Variants in PLEKHA8 observed in about 807,000 individuals in gnomAD.
PLEKHA8 encodes the protein pleckstrin homology domain-containing family A member 8.
Under a neutral mutation model 68.2 loss-of-function variants are expected in PLEKHA8, and 36 were observed. That is an observed-to-expected ratio of 0.53 (90% CI 0.40 to 0.70). The LOEUF (loss-of-function observed/expected upper bound fraction) is 0.70, where lower values mean the gene tolerates loss of function less well. Among genes scored for constraint, PLEKHA8 ranks in the 30% least tolerant of loss-of-function variants. The pLI is 0.00. For synonymous variants in PLEKHA8, 211 were observed against 216.1 expected (o/e 0.98, Z 0.20); for missense variants, 505 against 615.4 (o/e 0.82, Z 1.90).
Position 30,078,640 on chromosome 7 carries a change from C to T in PLEKHA8, c.1413C>T (p.Thr471=), listed in dbSNP as rs772142070. ...PSYEDFVAAL[T]VKEGDHQKEA... ...ATGAAGATTTTGTGGCCGCGTTAAC[C>T]GTAAAGGAAGGTGACCACCAGAAAG... is the stretch of plus-strand genomic sequence containing the variant. Residue 471 remains threonine (T), a synonymous_variant, in exon 14 of 14, where the codon ACC becomes ACT. Transcript: ENST00000449726. The T allele has an allele frequency of 1.4e-5, 23 of 1,613,804 alleles. No individual in the cohort carries two copies. The highest frequency in any genetic ancestry group is 1.7e-4 in the Middle Eastern group (1 of 6,060).
intron 13 of PLEKHA8, 53 bp from the exon 14 acceptor site, chr7:30,078,537 A>G: frequency 6.3e-7 from 1 of 1,583,714 alleles, no homozygotes; most frequent in Non-Finnish European, 8.7e-7. Context: ...GCATAAAAAT[A>G]AGAGTGTGAG....
chr7:30,090,108 A>G lies in PLEKHA8; in HGVS notation c.1301-45A>G. The G allele has an allele frequency of 2.0e-6, 3 of 1,517,150 alleles. No individual in the cohort carries two copies. The South Asian group carries it at 3.9e-5, about 20-fold the overall frequency. 94.0% of individuals were successfully genotyped at this position (1,517,150 alleles called of 1,614,324 possible). The stretch of plus-strand genomic sequence containing the variant: ...TAAAATACAGAAGATTTTTCCTGAA[A>G]TGAAGGAAGGAATCTTTAGATTAAA... On this transcript the variant is annotated intron_variant, in intron 12 of 12. Coordinates refer to the PLEKHA8 transcript ENST00000258679.
In PLEKHA8 at chr7:30,079,546, T is replaced by C. The variant is rs927314960; in HGVS notation, c.*759T>C. On this transcript the variant is annotated 3_prime_UTR_variant, in exon 14 of 14. Transcript: ENST00000449726. ...GCATGTTCCCCATGCATTATCTCAA[T>C]TGGACATCACAAGTAATGATACCCA... The C allele has an allele frequency of 1.1e-6, 1 of 933,268 alleles. No individual in the cohort carries two copies. The highest frequency in any genetic ancestry group is 1.3e-6 in the Non-Finnish European group (1 of 782,490). 57.8% of individuals were successfully genotyped at this position (933,268 alleles called of 1,614,324 possible).
chr7:30,076,453 A>G (rs1794615158), intron 13 of PLEKHA8, among the ~76,000 whole-genome samples: 1 of 152,216 alleles, frequency 6.6e-6, no homozygotes, highest in African/African-American at 2.4e-5. Flanking sequence ...AATACTAAGA[A>G]CTACAACCAC....
At chr7:30,112,295 T>C (rs533929610) in intron 13 of PLEKHA8, among the ~76,000 whole-genome samples, 14 of 152,052 alleles carry the variant, frequency 9.2e-5, no homozygotes, top group African/African-American at 3.4e-4. Context: ...AAGACGATTT[T>C]CACGACTCAG....
chr7:30,034,346 T>G (rs1790898616), intron 1 of PLEKHA8, among the ~76,000 whole-genome samples: 1 of 152,036 alleles, frequency 6.6e-6, no homozygotes. Context: ...CCTTGTTAGA[T>G]AGATGATTTG....
At chr7:30,030,601 T>C (rs1047779299) in intron 1 of PLEKHA8, among the ~76,000 whole-genome samples, 3 of 152,244 alleles carry the variant, frequency 2.0e-5, no homozygotes, top group African/African-American at 7.2e-5. Flanking sequence ...CAGAGACAGC[T>C]GTCTCTACGT....
chr7:30,112,926 A>G (rs990752778), intron 13 of PLEKHA8, among the ~76,000 whole-genome samples: 1 of 152,064 alleles, frequency 6.6e-6, no homozygotes, highest in Non-Finnish European at 1.5e-5. Context: ...ATTAACATAT[A>G]TGCTTGACTT....
intron 13 of PLEKHA8, among the ~76,000 whole-genome samples, chr7:30,096,487 T>G (rs1795624324): frequency 6.6e-6 from 1 of 152,164 alleles, no homozygotes; most frequent in Non-Finnish European, 1.5e-5. Context: ...CAATTTGACT[T>G]CCTCTTTTCC....
At chr7:30,124,591 C>T (rs1027390846) in intron 13 of PLEKHA8, among the ~76,000 whole-genome samples, 8 of 151,922 alleles carry the variant, frequency 5.3e-5, no homozygotes, top group South Asian at 4.2e-4. Context: ...ATGCTTTCAC[C>T]GACAATGTAA....
Position 30,079,898 on chromosome 7 carries a change from CTT to C in PLEKHA8, c.*1123_*1124del, listed in dbSNP as rs774043344. On this transcript the variant is annotated 3_prime_UTR_variant, in exon 14 of 14. Coordinates refer to ENST00000449726, the MANE Select transcript of PLEKHA8 (RefSeq NM_001197026.2). ...TTCTTCAAGAACTAAATGATATGTCCTTTTTTTTTTTTTCAAAGAGGATAAGG... is the reference window on the plus strand; with the variant it reads ...TTCTTCAAGAACTAAATGATATGTCCTTTTTTTTTTTCAAAGAGGATAAGG... The C allele has an allele frequency of 3.1e-4, 228 of 733,696 alleles. No homozygotes were observed. The highest frequency in any genetic ancestry group is 7.0e-4 in the Middle Eastern group (1 of 1,436). 45.4% of individuals were successfully genotyped at this position (733,696 alleles called of 1,614,324 possible).
chr7:30,110,025 A>G (rs541751793), intron 13 of PLEKHA8, among the ~76,000 whole-genome samples: 1 of 152,208 alleles, frequency 6.6e-6, no homozygotes, highest in Non-Finnish European at 1.5e-5. Flanking sequence ...AATTGTATTG[A>G]GAAAAATTAA....
chr7:30,046,972 G>A (rs1792007853), intron 3 of PLEKHA8, among the ~76,000 whole-genome samples: 1 of 152,166 alleles, frequency 6.6e-6, no homozygotes, highest in Non-Finnish European at 1.5e-5. Flanking sequence ...AGAATACCAG[G>A]GCTTACTGCC....
At chr7:30,089,671 G>C (rs1310936078) in intron 12 of PLEKHA8, among the ~76,000 whole-genome samples, 1 of 152,140 alleles carries the variant, frequency 6.6e-6, no homozygotes, top group Non-Finnish European at 1.5e-5. Flanking sequence ...GAAAGGGGAT[G>C]GGGGTGGAGT....
Position 30,050,441 on chromosome 7 carries a change from A to G in PLEKHA8, c.605A>G (p.His202Arg). 2 of 1,579,806 alleles carry G rather than the reference A, an allele frequency of 1.3e-6. No homozygotes were observed. Among genetic ancestry groups the G allele is most frequent in the Non-Finnish European group, 1.7e-6 (2 of 1,165,690 alleles). The change falls in exon 6 of 14, where the codon CAT (histidine) becomes CGT (arginine). Residue 202 changes from histidine (H) to arginine (R), a missense_variant. Transcript: ENST00000449726. Reference protein sequence around the residue: ...LAMLKSSKMKHPIIPIHNSLE... With the variant: ...LAMLKSSKMKRPIIPIHNSLE... ...TCTTTGCTTCTTTTAAAGATGAAACATCCTATTATACCAATTCATAATTCA... is the reference window on the plus strand; with the variant it reads ...TCTTTGCTTCTTTTAAAGATGAAACGTCCTATTATACCAATTCATAATTCA...
chr7:30,126,312 G>A (rs923261377), intron 13 of PLEKHA8, among the ~76,000 whole-genome samples: 2 of 152,204 alleles, frequency 1.3e-5, no homozygotes, highest in African/African-American at 4.8e-5. Context: ...CTTGGGTATA[G>A]CTTTCTGAGC....
In PLEKHA8 at chr7:30,115,922, GTACA is replaced by G. The variant is rs949832582; in HGVS notation, c.1363-13338_1363-13335del. 12 of 108,804 alleles carry G rather than the reference GTACA, an allele frequency of 1.1e-4. 1 individual carries two copies. Among genetic ancestry groups the G allele is most frequent in the African/African-American group, 3.2e-4 (9 of 28,316 alleles). The allele number at this position is 108,804 out of a possible 1,614,324, so 6.7% of individuals were successfully genotyped here. ...TGCATGTATACATGCATGCGTGCGT[GTACA>G]TACATGTATACATGCACACATACGC... On this transcript the variant is annotated intron_variant, in intron 13 of 13. Coordinates refer to the PLEKHA8 transcript ENST00000396257.
intron 1 of PLEKHA8, among the ~76,000 whole-genome samples, chr7:30,030,431 A>C (rs893306461): frequency 6.6e-6 from 1 of 152,180 alleles, no homozygotes; most frequent in Non-Finnish European, 1.5e-5. Flanking sequence ...CCTTCAATAA[A>C]GCAGAACTCT....
rs1463432354 is a variant in PLEKHA8, at chr7:30,062,743, G to A, written c.1300+1G>A. On this transcript the variant is annotated splice_donor_variant, in intron 12 of 13. Transcript: ENST00000449726. LOFTEE classifies it high-confidence loss of function. ...GAGAAGGATATCCAGACAGCCCTAA[G>A]TAAGTGTTCTTTATGTTTTGTTGAA... The A allele has an allele frequency of 7.5e-6, 12 of 1,610,628 alleles. No homozygotes were observed. The highest frequency in any genetic ancestry group is 1.0e-5 in the Non-Finnish European group (12 of 1,177,144).
Sources: allele counts gnomAD v4.1 joint callset (sites outside exome capture counted in the v4.1 genomes callset), GRCh38; gene constraint gnomAD v4.1.1; transcripts MANE v1.5; gene names NCBI Gene and HGNC (gene_info 2026-07-23, HGNC 2026-07-21).